Variants in KMT2C observed in about 807,000 individuals in gnomAD.
KMT2C encodes histone-lysine N-methyltransferase 2C.
Under a neutral mutation model 507.9 loss-of-function variants are expected in KMT2C, and 88 were observed. The ratio of observed to expected loss-of-function variants is 0.17; its 90% confidence interval spans 0.15 to 0.21. The LOEUF (loss-of-function observed/expected upper bound fraction) is 0.21, where lower values mean the gene tolerates loss of function less well. KMT2C is among the 10% of genes least tolerant of loss of function. The pLI, the probability that KMT2C is intolerant of heterozygous loss-of-function variation, is 1.00. For synonymous variants in KMT2C, 2,049 were observed against 2,080.8 expected (o/e 0.98, Z 0.42); for missense variants, 4,954 against 5,957.8 (o/e 0.83, Z 5.55).
chr7:152,259,470 A>G (rs1033862141), intron 9 of KMT2C, among the ~76,000 whole-genome samples: 31 of 148,856 alleles, frequency 2.1e-4, no homozygotes, highest in African/African-American at 2.2e-4. Context: ...ACACACACAC[A>G]CACACACACA....
chr7:152,370,829 C>T (rs115282794), intron 1 of KMT2C, among the ~76,000 whole-genome samples: 1,970 of 152,272 alleles, frequency 0.013, 47 homozygotes, highest in African/African-American at 0.045. Context: ...CGGAACATAG[C>T]CATGTATATT....
chr7:152,425,292 A>C (rs992283800), intron 1 of KMT2C, among the ~76,000 whole-genome samples: 1 of 152,140 alleles, frequency 6.6e-6, no homozygotes, highest in Non-Finnish European at 1.5e-5. Context: ...AGAAACACTT[A>C]GGGCCAGGCA....
chr7:152,385,785 A>G lies in KMT2C; in HGVS notation c.162-27110T>C, dbSNP rs189456965. On this transcript the variant is annotated intron_variant, in intron 1 of 58. Transcript: ENST00000262189. The stretch of plus-strand genomic sequence containing the variant: ...GAACTACATTCTCTAATATTTATAA[A>G]CGATATCACATTATGCCTGAGGCCA... 3.3e-3 allele frequency among the ~76,000 whole-genome samples: 493 copies of G among 151,602 alleles called. 2 individuals carry two copies. The highest frequency in any genetic ancestry group is 4.7e-3 in the Non-Finnish European group (319 of 67,856).
intron 3 of KMT2C, among the ~76,000 whole-genome samples, chr7:152,317,552 T>C (rs904137169): frequency 6.6e-6 from 1 of 152,166 alleles, no homozygotes; most frequent in African/African-American, 2.4e-5. Flanking sequence ...GCCACTGATA[T>C]CATACCAGCA....
At chr7:152,301,048 C>T (rs1351653478) in intron 6 of KMT2C, among the ~76,000 whole-genome samples, 1 of 151,016 alleles carries the variant, frequency 6.6e-6, no homozygotes, top group Non-Finnish European at 1.5e-5. Context: ...CAGAGGGAAA[C>T]TTCATCTCAA....
At chr7:152,207,252 A>G in intron 24 of KMT2C, 48 bp downstream of exon 24, 1 of 1,335,628 alleles carries the variant, frequency 7.5e-7, no homozygotes, top group African/African-American at 1.5e-5. Flanking sequence ...TTTTTCTTTA[A>G]TTAACCAAGT....
intron 28 of KMT2C, among the ~76,000 whole-genome samples, chr7:152,195,338 C>G (rs192403836): frequency 6.6e-6 from 1 of 152,180 alleles, no homozygotes; most frequent in East Asian, 1.9e-4. Flanking sequence ...GAGAAAGTCA[C>G]CCGAAGTACA....
chr7:152,167,402 T>G (rs1355171451), intron 41 of KMT2C, 24 bp from the exon 42 acceptor site: 10 of 1,511,654 alleles, frequency 6.6e-6, no homozygotes, highest in African/African-American at 1.4e-5. Flanking sequence ...AAAATTCAGT[T>G]GTGTTAATTT....
chr7:152,219,393 C>T (rs2094693615), intron 23 of KMT2C, among the ~76,000 whole-genome samples: 1 of 152,058 alleles, frequency 6.6e-6, no homozygotes, highest in Admixed American at 6.5e-5. Flanking sequence ...AGAATTCTAC[C>T]TGCTTTGTAC....
At position 152,391,220 on chromosome 7, in the gene KMT2C, T is replaced by C. The variant is rs555094996; in HGVS notation, c.162-32545A>G. On this transcript the variant is annotated intron_variant, in intron 1 of 58. Coordinates refer to ENST00000262189, the MANE Select transcript of KMT2C (RefSeq NM_170606.3). ...GTTGCATGTATGTTTTTCCTAGGTT[T>C]TTTGTCGTTGTTTGTTTTTTGTTTG... 2.7e-5 allele frequency among the ~76,000 whole-genome samples: 4 copies of C among 149,108 alleles called. No homozygotes were observed. In the East Asian group the frequency reaches 8.2e-4, roughly 31 times the overall value.
intron 23 of KMT2C, 54 bp downstream of exon 23, chr7:152,220,469 T>G (rs1217321983): frequency 2.2e-6 from 3 of 1,361,200 alleles, no homozygotes; most frequent in East Asian, 2.3e-5. Flanking sequence ...CAAAAGTTAC[T>G]TTATATGCTT....
intron 6 of KMT2C, among the ~76,000 whole-genome samples, chr7:152,297,943 TAG>T (rs2096531523): frequency 6.6e-6 from 1 of 152,044 alleles, no homozygotes; most frequent in African/African-American, 2.4e-5. Context: ...AAAAGTTAAA[TAG>T]AGACATGGGA....
chr7:152,330,783 T>C, intron 2 of KMT2C, 44 bp from the exon 3 acceptor site: 2 of 1,572,520 alleles, frequency 1.3e-6, no homozygotes, highest in Non-Finnish European at 1.7e-6. Context: ...CATTTTTGTG[T>C]TTATTTTAAT....
At chr7:152,235,728 T>C (rs2095257471) in intron 16 of KMT2C, 89 bp downstream of exon 16, 6 of 1,020,464 alleles carry the variant, frequency 5.9e-6, no homozygotes, top group Non-Finnish European at 7.6e-6. Flanking sequence ...CCTATTTATA[T>C]GACTCTTAAG....
chr7:152,280,597 C>A (rs2096190531), intron 6 of KMT2C, among the ~76,000 whole-genome samples: 1 of 152,060 alleles, frequency 6.6e-6, no homozygotes, highest in African/African-American at 2.4e-5. Flanking sequence ...CTGAATTCCT[C>A]CCACACCTGA....
chr7:152,148,156 A>G lies in KMT2C; in HGVS notation c.13771T>C (p.Tyr4591His), dbSNP rs1587684682. ...AGGTAGCGGCAGCGCCTATTGGCAT[A>G]GCGAGTGCTCCAGTACAGCCGGCTG... ...EASRLYWSTR[Y>H]ANRRCRYLCS... Residue 4591 changes from tyrosine (Y) to histidine (H), a missense_variant, in exon 52 of 59, where the codon TAT becomes CAT. Coordinates refer to ENST00000262189, the MANE Select transcript of KMT2C (RefSeq NM_170606.3). This position sits in a 1 kb window ranked among gnomAD's most constrained non-coding sequence, Gnocchi z 7.1. 1.2e-6 allele frequency: 2 copies of G among 1,614,166 alleles called. No individual in the cohort carries two copies. The highest frequency in any genetic ancestry group is 1.7e-6 in the Non-Finnish European group (2 of 1,179,966).
chr7:152,350,348 T>C (rs1033921996), intron 2 of KMT2C, among the ~76,000 whole-genome samples: 2 of 152,228 alleles, frequency 1.3e-5, no homozygotes, highest in African/African-American at 2.4e-5. Context: ...AGTGTGTGTA[T>C]AGATCTATGT....
At chr7:152,167,428 A>G (rs2092777958) in intron 41 of KMT2C, 50 bp from the exon 42 acceptor site, 1 of 1,236,200 alleles carries the variant, frequency 8.1e-7, no homozygotes, top group Non-Finnish European at 1.2e-6. Flanking sequence ...AGAGTCCAAC[A>G]TTATAAGTTA....
At chr7:152,431,130 ATTG>A (rs968161169) in intron 1 of KMT2C, among the ~76,000 whole-genome samples, 37 of 152,256 alleles carry the variant, frequency 2.4e-4, no homozygotes, top group African/African-American at 7.7e-4. Flanking sequence ...GGGAAAACAA[ATTG>A]TTGTGATACT....
Sources: gnomAD v4.1 joint callset for allele counts (sites outside exome capture counted in the v4.1 genomes callset) on GRCh38, gnomAD v4.1.1 for gene constraint, Gnocchi (gnomAD v3.1) non-coding constraint, MANE v1.5 for transcripts, NCBI Gene and HGNC (gene_info 2026-07-23, HGNC 2026-07-21) for gene names.